CSNK1G1: variants seen among roughly 807,000 people sequenced by gnomAD.
CSNK1G1 encodes the protein casein kinase I isoform gamma-1.
Under a neutral mutation model 59.6 loss-of-function variants are expected in CSNK1G1, and 22 were observed. The observed-to-expected ratio is 0.37, with a 90% CI of 0.26 to 0.53. The LOEUF (loss-of-function observed/expected upper bound fraction) is 0.53. Ranked by LOEUF, CSNK1G1 falls within the 20% of genes least tolerant of loss-of-function variation. CSNK1G1 has a pLI of 0.89. For synonymous variants in CSNK1G1, 179 were observed against 177.1 expected (o/e 1.01, Z -0.08); for missense variants, 384 against 519.5 (o/e 0.74, Z 2.54).
intron 1 of CSNK1G1, among the ~76,000 whole-genome samples, chr15:64,333,046 T>C (rs891076470): frequency 1.3e-5 from 2 of 150,166 alleles, no homozygotes; most frequent in African/African-American, 4.9e-5. Flanking sequence ...CACCTGAGGT[T>C]AGGAGTTCAA....
rs1224634854 is a variant in CSNK1G1, at chr15:64,176,650, G to A, written c.1214+3698C>T. Among the ~76,000 whole-genome samples the A allele has an allele frequency of 6.6e-6, 1 of 152,182 alleles. No homozygotes were observed. The highest frequency in any genetic ancestry group is 1.5e-5 in the Non-Finnish European group (1 of 68,038). On this transcript the variant is annotated intron_variant, in intron 11 of 11. Transcript: ENST00000303052. This position sits in a 1 kb window ranked among gnomAD's most constrained non-coding sequence, Gnocchi z 5.2. The stretch of plus-strand genomic sequence containing the variant: ...CTGTAAGAACTCAATCAAGCACCAG[G>A]GGTGAACCATTTTGGTTCCCATATG...
chr15:64,266,061 C>G (rs540508920), intron 2 of CSNK1G1: 1 of 242,146 alleles, frequency 4.1e-6, no homozygotes, highest in East Asian at 9.6e-5. Flanking sequence ...AAAACAAGAC[C>G]TTGTCTCTTT....
At chr15:64,269,678 G>A (rs1295187021) in intron 2 of CSNK1G1, among the ~76,000 whole-genome samples, 2 of 152,070 alleles carry the variant, frequency 1.3e-5, no homozygotes, top group East Asian at 3.9e-4. Flanking sequence ...ATTTTTAGCA[G>A]AGACAGGGTT....
chr15:64,299,415 T>C (rs895590481), intron 2 of CSNK1G1, among the ~76,000 whole-genome samples: 10 of 151,982 alleles, frequency 6.6e-5, no homozygotes, highest in South Asian at 2.1e-4. Context: ...GGTGAAACCC[T>C]GTCTCTACTA....
At chr15:64,250,638 A>G (rs1381497537) in intron 4 of CSNK1G1, among the ~76,000 whole-genome samples, 1 of 152,140 alleles carries the variant, frequency 6.6e-6, no homozygotes, top group East Asian at 1.9e-4. Flanking sequence ...CCAGCTACTC[A>G]GGAGGCTGAG....
At chr15:64,183,016 G>C (rs566469654) in intron 10 of CSNK1G1, among the ~76,000 whole-genome samples, 2 of 152,286 alleles carry the variant, frequency 1.3e-5, no homozygotes, top group South Asian at 4.1e-4. Flanking sequence ...AACTCATTCT[G>C]TGAGCACAAA....
intron 10 of CSNK1G1, among the ~76,000 whole-genome samples, chr15:64,199,250 C>CAAAAAAA (rs56819260): frequency 8.3e-4 from 43 of 52,040 alleles, no homozygotes; most frequent in African/African-American, 1.9e-3. Flanking sequence ...AATCTTTTCT[C>CAAAAAAA]AAAAAAAAAA....
intron 1 of CSNK1G1, among the ~76,000 whole-genome samples, chr15:64,332,296 T>C (rs1206170762): frequency 1.6e-5 from 2 of 122,346 alleles, no homozygotes; most frequent in Non-Finnish European, 1.7e-5. Context: ...AATGATAGAC[T>C]GGATTAAGAA....
intron 7 of CSNK1G1, among the ~76,000 whole-genome samples, chr15:64,205,202 G>A (rs1016723230): frequency 6.6e-6 from 1 of 152,038 alleles, no homozygotes; most frequent in Non-Finnish European, 1.5e-5. Context: ...CAAATATAAT[G>A]GATGAGTGGC....
chr15:64,174,819 TAACTC>T (rs2081722234), intron 11 of CSNK1G1, among the ~76,000 whole-genome samples: 1 of 152,174 alleles, frequency 6.6e-6, no homozygotes, highest in Non-Finnish European at 1.5e-5. Flanking sequence ...TTCTAATACT[TAACTC>T]AAGTCCTACA....
At chr15:64,242,270 C>T (rs907367328) in intron 4 of CSNK1G1, among the ~76,000 whole-genome samples, 1 of 152,108 alleles carries the variant, frequency 6.6e-6, no homozygotes, top group Non-Finnish European at 1.5e-5. Flanking sequence ...TGTCCCTGCT[C>T]AAATTTCATG....
chr15:64,286,486 G>A (rs931474573), intron 2 of CSNK1G1, among the ~76,000 whole-genome samples: 8 of 151,694 alleles, frequency 5.3e-5, no homozygotes, highest in African/African-American at 1.9e-4. Context: ...AAAACACTTA[G>A]AATTATAAAT....
rs114239692 is a variant in CSNK1G1, at chr15:64,214,638, A to G, written c.445-514T>C. On this transcript the variant is annotated intron_variant, in intron 5 of 11. Coordinates refer to ENST00000303052, the MANE Select transcript of CSNK1G1 (RefSeq NM_022048.5). The surrounding 1 kb of genome is among the most constrained non-coding windows in gnomAD (Gnocchi z 4.3). ...GCCTGACATCACATAGCTAATTAGC[A>G]GCAGAGACAGGGAAACAGTTCATTA... Among the ~76,000 whole-genome samples the G allele has an allele frequency of 0.015, 2,339 of 152,286 alleles. 64 individuals are homozygous for G. Among genetic ancestry groups the G allele is most frequent in the African/African-American group, 0.054 (2,233 of 41,550 alleles).
rs1192200783 is a variant in CSNK1G1, at chr15:64,171,786, C to T, written c.*145G>A. 3 of 743,422 alleles carry T rather than the reference C, an allele frequency of 4.0e-6. No homozygotes were observed. Among genetic ancestry groups the T allele is most frequent in the Non-Finnish European group, 7.0e-6 (3 of 429,116 alleles). 46.1% of individuals were successfully genotyped at this position (743,422 alleles called of 1,614,324 possible). A position where few individuals can be genotyped will look rare whatever the true frequency, so the allele number is the denominator to read the frequency against. On this transcript the variant is annotated 3_prime_UTR_variant, in exon 12 of 12. Transcript: ENST00000303052. The surrounding 1 kb of genome is among the most constrained non-coding windows in gnomAD (Gnocchi z 4.8). Reference sequence around the variant, plus strand: ...TAGGCCCTGGCTGCCCGCACTGGCCCCTTCTGGGGGCATCTGTTTTCTTCT... The same window carrying T: ...TAGGCCCTGGCTGCCCGCACTGGCCTCTTCTGGGGGCATCTGTTTTCTTCT...
At chr15:64,186,055 CTT>C (rs1166230762) in intron 10 of CSNK1G1, among the ~76,000 whole-genome samples, 1 of 152,004 alleles carries the variant, frequency 6.6e-6, no homozygotes, top group Non-Finnish European at 1.5e-5. Flanking sequence ...TAGGGATTCC[CTT>C]TGTTTCTTTC....
chr15:64,209,318 C>T (rs769221610), intron 6 of CSNK1G1, among the ~76,000 whole-genome samples: 2 of 152,046 alleles, frequency 1.3e-5, no homozygotes, highest in African/African-American at 4.8e-5. Flanking sequence ...AAGTAAAACC[C>T]AAGAGAGCCA....
At chr15:64,331,122 A>G (rs1454754544) in intron 1 of CSNK1G1, among the ~76,000 whole-genome samples, 1 of 149,512 alleles carries the variant, frequency 6.7e-6, no homozygotes, top group African/African-American at 2.5e-5. Context: ...TACAGATTCA[A>G]TGCCATCCCC....
chr15:64,204,379 G>A (rs1034856534), intron 9 of CSNK1G1, 62 bp downstream of exon 9: 1 of 1,331,472 alleles, frequency 7.5e-7, no homozygotes, highest in Non-Finnish European at 1.0e-6. Flanking sequence ...AAGGCATGAG[G>A]CAGTGCTGGT....
rs1363406844 is a variant in CSNK1G1, at chr15:64,176,550, T to C, written c.1214+3798A>G. 6.6e-6 allele frequency among the ~76,000 whole-genome samples: 1 copy of C among 151,338 alleles called. No individual in the cohort carries two copies. The highest frequency in any genetic ancestry group is 2.4e-5 in the African/African-American group (1 of 41,146). Reference sequence around the variant, plus strand: ...CAGGGGTAAGGCAAAACAGAAAGAGTTGGTAGGAGCTCCAGGGTGGGCTTT... The same window carrying C: ...CAGGGGTAAGGCAAAACAGAAAGAGCTGGTAGGAGCTCCAGGGTGGGCTTT... On this transcript the variant is annotated intron_variant, in intron 11 of 11. Transcript: ENST00000303052. The surrounding 1 kb of genome is among the most constrained non-coding windows in gnomAD (Gnocchi z 5.2).
Sources: gnomAD v4.1 joint callset for allele counts (sites outside exome capture counted in the v4.1 genomes callset) on GRCh38, gnomAD v4.1.1 for gene constraint, Gnocchi (gnomAD v3.1) non-coding constraint, MANE v1.5 for transcripts, NCBI Gene and HGNC (gene_info 2026-07-23, HGNC 2026-07-21) for gene names.